The following TSHZ2 variants were observed in gnomAD, a reference collection of about 807,000 sequenced individuals.
TSHZ2 encodes the protein teashirt zinc finger homeobox 2.
In TSHZ2, 21 loss-of-function variants were observed where a neutral mutation model predicts 74.4. That is an observed-to-expected ratio of 0.28 (90% CI 0.20 to 0.41). The LOEUF is 0.41. Among genes scored for constraint, TSHZ2 ranks in the 10% least tolerant of loss-of-function variants. The pLI, the probability that TSHZ2 is intolerant of heterozygous loss-of-function variation, is 1.00. For synonymous variants in TSHZ2, 540 were observed against 515.3 expected, an observed-to-expected ratio of 1.05 and a Z score of -0.65; for missense variants, 1,244 against 1,293.5, an observed-to-expected ratio of 0.96 and a Z score of 0.59.
intron 2 of TSHZ2, among the ~76,000 whole-genome samples, chr20:53,423,710 G>A (rs1002604969): frequency 2.0e-5 from 3 of 152,192 alleles, no homozygotes; most frequent in East Asian, 1.9e-4. Flanking sequence ...CCCATGCAGC[G>A]TTACTGAAAA....
chr20:53,418,094 T>TA (rs370341948), intron 2 of TSHZ2, among the ~76,000 whole-genome samples: 17 of 152,192 alleles, frequency 1.1e-4, no homozygotes, highest in African/African-American at 3.9e-4. Context: ...GCTAGGATGG[T>TA]AAGGAAAGGT....
intron 1 of TSHZ2, among the ~76,000 whole-genome samples, chr20:53,068,760 C>G (rs1382749626): frequency 6.6e-6 from 1 of 152,084 alleles, no homozygotes; most frequent in Non-Finnish European, 1.5e-5. Context: ...CCATAGGACA[C>G]CCATATGACT....
chr20:53,063,573 T>C (rs1403624029), intron 1 of TSHZ2, among the ~76,000 whole-genome samples: 2 of 152,194 alleles, frequency 1.3e-5, no homozygotes, highest in Non-Finnish European at 2.9e-5. Flanking sequence ...ATTACTTAAG[T>C]AGGAGTGGTG....
chr20:53,398,459 AGT>A (rs1982535849), intron 2 of TSHZ2: 1 of 152,232 alleles, frequency 6.6e-6, no homozygotes, highest in African/African-American at 2.4e-5. Flanking sequence ...ATTTATTAAC[AGT>A]TCTATCAGGC....
chr20:53,274,787 CTT>C (rs954930177), intron 2 of TSHZ2, among the ~76,000 whole-genome samples: 2 of 152,162 alleles, frequency 1.3e-5, no homozygotes, highest in Non-Finnish European at 2.9e-5. Context: ...CGCTCTTTCT[CTT>C]TCTTTGCCTC....
At chr20:53,469,066 T>TATATATAC (rs1555872274) in intron 2 of TSHZ2, among the ~76,000 whole-genome samples, 12 of 126,892 alleles carry the variant, frequency 9.5e-5, no homozygotes, top group African/African-American at 3.5e-4. Context: ...TATATATATA[T>TATATATAC]ATATATATAT....
At chr20:53,088,499 C>A (rs1197512200) in intron 1 of TSHZ2, among the ~76,000 whole-genome samples, 2 of 152,170 alleles carry the variant, frequency 1.3e-5, no homozygotes, top group Non-Finnish European at 2.9e-5. Context: ...TCAGCGTTGG[C>A]CCTCCGTCCT....
At chr20:53,313,110 G>C (rs1460062242) in intron 2 of TSHZ2, among the ~76,000 whole-genome samples, 1 of 152,192 alleles carries the variant, frequency 6.6e-6, no homozygotes, top group Non-Finnish European at 1.5e-5. Context: ...CTCAGATTTA[G>C]ACACAAGTAA....
At chr20:53,410,459 C>T (rs113438554) in intron 2 of TSHZ2, among the ~76,000 whole-genome samples, 13 of 152,130 alleles carry the variant, frequency 8.5e-5, no homozygotes, top group Non-Finnish European at 1.2e-4. Flanking sequence ...GGTCTCAGTA[C>T]GATAACAAAA....
intron 1 of TSHZ2, among the ~76,000 whole-genome samples, chr20:53,072,303 A>T (rs1985201298): frequency 6.6e-6 from 1 of 152,238 alleles, no homozygotes; most frequent in Admixed American, 6.5e-5. Context: ...GCAACATGGT[A>T]TACAAATACA....
At chr20:53,188,379 G>A (rs530295964) in intron 1 of TSHZ2, among the ~76,000 whole-genome samples, 1 of 152,312 alleles carries the variant, frequency 6.6e-6, no homozygotes, top group East Asian at 1.9e-4. Context: ...GGTTTTCAAT[G>A]TTCAGTGTAA....
intron 2 of TSHZ2, among the ~76,000 whole-genome samples, chr20:53,387,810 G>A (rs943190205): frequency 2.0e-5 from 3 of 152,182 alleles, no homozygotes; most frequent in African/African-American, 4.8e-5. Context: ...ACTTTGGGAA[G>A]CTGAGGTGGG....
intron 2 of TSHZ2, among the ~76,000 whole-genome samples, chr20:53,342,350 G>T (rs1980243184): frequency 6.9e-6 from 1 of 145,142 alleles, no homozygotes; most frequent in Non-Finnish European, 1.5e-5. Flanking sequence ...AAGGCGTACT[G>T]GTCAGGTATA....
intron 1 of TSHZ2, among the ~76,000 whole-genome samples, chr20:52,989,906 T>C (rs1404181244): frequency 6.6e-6 from 1 of 151,610 alleles, no homozygotes; most frequent in African/African-American, 2.4e-5. Context: ...AGTAAATAGA[T>C]AGGTAGAAAA....
rs540796779 is a variant in TSHZ2 at position 53,042,559 on chromosome 20, C to T, written c.40+69226C>T. On this transcript the variant is annotated intron_variant, in intron 1 of 2. Transcript: ENST00000371497. ...AGTTTAAACAATTTGCCTAATGAAA[C>T]ATGAAGATCATAGGGAATGATGGAA... Among the ~76,000 whole-genome samples, 19 of 152,116 alleles carry T rather than the reference C, an allele frequency of 1.2e-4. No individual in the cohort carries two copies. In the South Asian group the frequency reaches 3.9e-3, roughly 32 times the overall value.
intron 2 of TSHZ2, among the ~76,000 whole-genome samples, chr20:53,300,910 G>A (rs1307253667): frequency 6.6e-6 from 1 of 152,148 alleles, no homozygotes; most frequent in Non-Finnish European, 1.5e-5. Context: ...AGCTTCAAGG[G>A]TAGGAGGACT....
chr20:53,068,304 C>G (rs189203995), intron 1 of TSHZ2, among the ~76,000 whole-genome samples: 1 of 152,258 alleles, frequency 6.6e-6, no homozygotes, highest in East Asian at 1.9e-4. Flanking sequence ...GTCTATGGAT[C>G]CCGAGTCCTG....
chr20:53,023,210 A>G (rs907991016), intron 1 of TSHZ2, among the ~76,000 whole-genome samples: 2 of 152,202 alleles, frequency 1.3e-5, no homozygotes, highest in African/African-American at 4.8e-5. Flanking sequence ...TCACCTTAAT[A>G]TATAAGATCC....
intron 1 of TSHZ2, among the ~76,000 whole-genome samples, chr20:53,109,796 T>G (rs1600695182): frequency 6.6e-6 from 1 of 152,298 alleles, no homozygotes; most frequent in South Asian, 2.1e-4. Context: ...GGAGTGCTGC[T>G]CCTTCCCAAG....
Sources: allele counts gnomAD v4.1 joint callset (sites outside exome capture counted in the v4.1 genomes callset), GRCh38; gene constraint gnomAD v4.1.1; transcripts MANE v1.5; gene names NCBI Gene and HGNC (gene_info 2026-07-23, HGNC 2026-07-21).